FRAS1: variants seen among roughly 807,000 people sequenced by gnomAD.
The protein encoded by FRAS1 is Fraser extracellular matrix complex subunit 1.
A neutral mutation model predicts 435.2 loss-of-function variants in FRAS1; 290 were observed. That is an observed-to-expected ratio of 0.67 (90% confidence interval 0.61 to 0.73). The LOEUF (loss-of-function observed/expected upper bound fraction) is 0.73, where lower values mean the gene tolerates loss of function less well. Ranked by LOEUF, FRAS1 falls within the 30% of genes least tolerant of loss-of-function variation. FRAS1 has a pLI of 0.00. For missense variants in FRAS1, 4,860 were observed against 5,001.5 expected (o/e 0.97, Z 0.85); for synonymous variants, 1,800 against 1,851.0 (o/e 0.97, Z 0.71).
At chr4:78,274,223 T>C (rs1038026662) in intron 9 of FRAS1, among the ~76,000 whole-genome samples, 2 of 152,210 alleles carry the variant, frequency 1.3e-5, no homozygotes, top group African/African-American at 4.8e-5. Flanking sequence ...GTATTAGTCT[T>C]GCTATCAGTC....
chr4:78,464,343 C>T, intron 48 of FRAS1, 100 bp from the exon 49 acceptor site: 1 of 1,513,518 alleles, frequency 6.6e-7, no homozygotes, highest in Middle Eastern at 1.8e-4. Context: ...TTGACTTGTG[C>T]AAGCAATGTG....
chr4:78,140,304 G>C (rs1397735495), intron 2 of FRAS1, among the ~76,000 whole-genome samples: 1 of 151,888 alleles, frequency 6.6e-6, no homozygotes. Context: ...CTAACTGTCT[G>C]TTTTTTTCTT....
intron 1 of FRAS1, among the ~76,000 whole-genome samples, chr4:78,062,248 C>T (rs1361994957): frequency 6.6e-6 from 1 of 152,178 alleles, no homozygotes. Flanking sequence ...TACCGTAGTT[C>T]CAAAACAGTT....
chr4:78,143,070 A>G (rs1720260382), intron 2 of FRAS1, among the ~76,000 whole-genome samples: 1 of 152,154 alleles, frequency 6.6e-6, no homozygotes, highest in South Asian at 2.1e-4. Flanking sequence ...AGTTTATCAG[A>G]TTGGAAAAAC....
intron 2 of FRAS1, among the ~76,000 whole-genome samples, chr4:78,209,432 C>T (rs1723411354): frequency 6.6e-6 from 1 of 152,088 alleles, no homozygotes; most frequent in Non-Finnish European, 1.5e-5. Context: ...TTTATTCCTC[C>T]AGCTCCCTCC....
At chr4:78,058,602 T>C (rs529630035) in intron 1 of FRAS1, among the ~76,000 whole-genome samples, 37 of 152,252 alleles carry the variant, frequency 2.4e-4, no homozygotes, top group African/African-American at 8.7e-4. Flanking sequence ...CGTGTTCTGG[T>C]CGTGGGCAGT....
chr4:78,505,689 G>A (rs535208564), intron 61 of FRAS1, among the ~76,000 whole-genome samples: 32 of 152,164 alleles, frequency 2.1e-4, no homozygotes, highest in Non-Finnish European at 4.0e-4. Context: ...CCTTTAGCTC[G>A]GAGAAGTTTG....
chr4:78,373,148 A>G (rs1731581962), intron 24 of FRAS1, among the ~76,000 whole-genome samples: 1 of 152,124 alleles, frequency 6.6e-6, no homozygotes, highest in African/African-American at 2.4e-5. Flanking sequence ...AAAATTGAAC[A>G]GTCAGGTCCT....
At chr4:78,286,613 G>A in intron 14 of FRAS1, 74 bp downstream of exon 14, 1 of 1,506,044 alleles carries the variant, frequency 6.6e-7, no homozygotes, top group Non-Finnish European at 9.0e-7. Flanking sequence ...CAAGTGATCT[G>A]GGGACACCAG....
chr4:78,236,725 A>G (rs774892600), intron 2 of FRAS1, among the ~76,000 whole-genome samples: 3 of 152,340 alleles, frequency 2.0e-5, no homozygotes, highest in Middle Eastern at 3.4e-3. Context: ...AGCATGAGGA[A>G]AGGTGAGAAA....
intron 25 of FRAS1, among the ~76,000 whole-genome samples, 182 bp from the exon 26 acceptor site, chr4:78,375,556 GA>G (rs1282017854): frequency 1.9e-4 from 29 of 152,192 alleles, no homozygotes; most frequent in African/African-American, 6.5e-4. Flanking sequence ...GGAACGTGAG[GA>G]GTGTTCCTCT....
intron 15 of FRAS1, among the ~76,000 whole-genome samples, chr4:78,310,568 C>T (rs900370999): frequency 1.6e-4 from 24 of 152,194 alleles, no homozygotes; most frequent in Non-Finnish European, 2.8e-4. Context: ...TTACTAAACA[C>T]GTCATGTGCT....
intron 58 of FRAS1, among the ~76,000 whole-genome samples, chr4:78,486,476 G>A (rs1034453625): frequency 3.3e-5 from 5 of 152,148 alleles, no homozygotes; most frequent in African/African-American, 7.2e-5. Context: ...GAGCCCATGC[G>A]CCATCAGCAG....
chr4:78,229,723 A>T (rs1173777081), intron 2 of FRAS1, among the ~76,000 whole-genome samples: 3 of 150,516 alleles, frequency 2.0e-5, no homozygotes, highest in Non-Finnish European at 4.4e-5. Flanking sequence ...AAAAAAAAAA[A>T]AGTCAGGGTT....
chr4:78,121,134 G>A (rs1265094060), intron 2 of FRAS1, among the ~76,000 whole-genome samples: 2 of 152,096 alleles, frequency 1.3e-5, no homozygotes, highest in African/African-American at 4.8e-5. Context: ...GCCTTCTCAG[G>A]AACCTGAGTA....
intron 2 of FRAS1, among the ~76,000 whole-genome samples, chr4:78,093,372 A>G (rs1741631145): frequency 1.3e-5 from 2 of 152,226 alleles, no homozygotes; most frequent in Admixed American, 6.5e-5. Flanking sequence ...GCTAAGTATA[A>G]ATTGAAGTGA....
chr4:78,160,439 G>A (rs917436857), intron 2 of FRAS1, among the ~76,000 whole-genome samples: 1 of 152,156 alleles, frequency 6.6e-6, no homozygotes, highest in Non-Finnish European at 1.5e-5. Context: ...TAGTGGGAAC[G>A]TTTGGAAACG....
At chr4:78,313,471 C>T (rs1482188897) in intron 15 of FRAS1, among the ~76,000 whole-genome samples, 2 of 152,152 alleles carry the variant, frequency 1.3e-5, no homozygotes, top group African/African-American at 4.8e-5. Flanking sequence ...CAGCAGTTCT[C>T]TATTTTTGAA....
intron 2 of FRAS1, among the ~76,000 whole-genome samples, chr4:78,237,153 C>T (rs544376518): frequency 2.0e-5 from 3 of 152,098 alleles, no homozygotes; most frequent in African/African-American, 7.2e-5. Flanking sequence ...GTGTCATTTT[C>T]CTTTAAACGT....
Sources: allele counts gnomAD v4.1 joint callset (sites outside exome capture counted in the v4.1 genomes callset), GRCh38; gene constraint gnomAD v4.1.1; transcripts MANE v1.5; gene names NCBI Gene and HGNC (gene_info 2026-07-23, HGNC 2026-07-21).